MTA3: variants seen among roughly 807,000 people sequenced by gnomAD.
MTA3 encodes the protein metastasis-associated protein MTA3.
A neutral mutation model predicts 83.5 loss-of-function variants in MTA3; 34 were observed. That is an observed-to-expected ratio of 0.41 (90% CI 0.31 to 0.54). The LOEUF is 0.54. MTA3 is among the 20% of genes least tolerant of loss of function. The pLI, the probability that MTA3 is intolerant of heterozygous loss-of-function variation, is 0.33. For synonymous variants in MTA3, 303 were observed against 252.7 expected (o/e 1.20, Z -1.89); for missense variants, 761 against 726.4 (o/e 1.05, Z -0.55).
chr2:42,729,098 T>G lies in MTA3; in HGVS notation c.1759+6063T>G, dbSNP rs977633394. On this transcript the variant is annotated intron_variant, in intron 16 of 16. Coordinates refer to ENST00000405094, the MANE Select transcript of MTA3 (RefSeq NM_001330442.2). ...TTTCACAGTTTGAGTTTTTTTTTTT[T>G]TTTTTTTTTTTTTTTCACAGAGTCA... Among the ~76,000 whole-genome samples, 164 of 122,070 alleles carry G rather than the reference T, an allele frequency of 1.3e-3. 10 individuals carry two copies. In the East Asian group the frequency reaches 0.034, roughly 25 times the overall value. 80.1% of individuals were successfully genotyped at this position (122,070 alleles called of 152,430 possible).
intron 2 of MTA3, among the ~76,000 whole-genome samples, chr2:42,549,568 CAT>C (rs1299672339): frequency 9.1e-6 from 1 of 110,370 alleles, no homozygotes; most frequent in Non-Finnish European, 1.7e-5. Flanking sequence ...TATACATATA[CAT>C]ATATAATATA....
At chr2:42,667,582 G>GTGTGTGTT (rs1690360985) in intron 8 of MTA3, among the ~76,000 whole-genome samples, 3 of 128,902 alleles carry the variant, frequency 2.3e-5, no homozygotes, top group South Asian at 2.7e-4. Flanking sequence ...GTGTGTGTGT[G>GTGTGTGTT]TGTGTGTGTG....
chr2:42,686,726 C>G (rs1692400982), intron 9 of MTA3, among the ~76,000 whole-genome samples: 1 of 152,028 alleles, frequency 6.6e-6, no homozygotes, highest in Non-Finnish European at 1.5e-5. Context: ...ACTCGATAGA[C>G]TGAGGCAGGA....
intron 9 of MTA3, among the ~76,000 whole-genome samples, chr2:42,685,505 C>T (rs1376229380): frequency 6.6e-6 from 1 of 152,224 alleles, no homozygotes; most frequent in African/African-American, 2.4e-5. Flanking sequence ...GTGGCTCCAA[C>T]GTGCTGTCTC....
intron 8 of MTA3, among the ~76,000 whole-genome samples, chr2:42,675,438 A>G (rs946444616): frequency 6.6e-6 from 1 of 152,108 alleles, no homozygotes; most frequent in Non-Finnish European, 1.5e-5. Context: ...CCCAGCCTCA[A>G]AATTCTTTTT....
At chr2:42,621,485 ATTC>A (rs1397093129) in intron 4 of MTA3, among the ~76,000 whole-genome samples, 5 of 152,230 alleles carry the variant, frequency 3.3e-5, no homozygotes, top group East Asian at 3.8e-4. Flanking sequence ...AGGCAGAACA[ATTC>A]TTCTTAGTAC....
chr2:42,727,190 C>G (rs186539239), intron 16 of MTA3, among the ~76,000 whole-genome samples: 1 of 152,032 alleles, frequency 6.6e-6, no homozygotes, highest in Middle Eastern at 3.2e-3. Context: ...AGAGTGAGAT[C>G]CTGTCTCTTA....
At chr2:42,695,697 G>A in intron 9 of MTA3, 68 bp from the exon 10 acceptor site, 1 of 671,892 alleles carries the variant, frequency 1.5e-6, no homozygotes, top group South Asian at 2.0e-5. Flanking sequence ...ACTTTCTATA[G>A]TAGCTTATTT....
At chr2:42,724,840 T>A (rs1463054297) in intron 16 of MTA3, among the ~76,000 whole-genome samples, 3 of 152,238 alleles carry the variant, frequency 2.0e-5, no homozygotes, top group African/African-American at 4.8e-5. Flanking sequence ...GTTCCCTCTC[T>A]AGGGCTGTTT....
chr2:42,633,687 C>G (rs570141295), intron 4 of MTA3, among the ~76,000 whole-genome samples: 100 of 152,086 alleles, frequency 6.6e-4, no homozygotes, highest in African/African-American at 2.1e-3. Context: ...GTCAGGAGAT[C>G]GAGACCATCC....
intron 8 of MTA3, among the ~76,000 whole-genome samples, chr2:42,672,259 G>C (rs571940172): frequency 1.3e-5 from 2 of 151,950 alleles, no homozygotes; most frequent in Admixed American, 6.6e-5. Flanking sequence ...GTACATGGGA[G>C]GCTGAGGTGG....
chr2:42,635,667 A>G (rs528440105), intron 4 of MTA3, among the ~76,000 whole-genome samples: 1 of 152,262 alleles, frequency 6.6e-6, no homozygotes, highest in Non-Finnish European at 1.5e-5. Context: ...CAAATGTAAG[A>G]CTTGTAAAGT....
chr2:42,697,949 T>C, intron 11 of MTA3, 115 bp downstream of exon 11: 1 of 628,798 alleles, frequency 1.6e-6, no homozygotes, highest in Admixed American at 3.7e-5. Flanking sequence ...TTTCTTCTTC[T>C]ACAAAGCATG....
intron 2 of MTA3, among the ~76,000 whole-genome samples, chr2:42,562,122 C>G (rs550738772): frequency 1.3e-5 from 2 of 152,242 alleles, no homozygotes; most frequent in Non-Finnish European, 2.9e-5. Flanking sequence ...GGGCTGCCCC[C>G]TTTTCTCTGT....
At chr2:42,717,006 A>T (rs1160134579) in intron 14 of MTA3, among the ~76,000 whole-genome samples, 2 of 151,462 alleles carry the variant, frequency 1.3e-5, no homozygotes, top group East Asian at 3.9e-4. Flanking sequence ...TTATTTTTTG[A>T]CTTAATGATA....
At chr2:42,650,282 G>C in intron 6 of MTA3, among the ~76,000 whole-genome samples, 1 of 152,184 alleles carries the variant, frequency 6.6e-6, no homozygotes, top group Non-Finnish European at 1.5e-5. Context: ...AGTGGAGAGA[G>C]AGGCCAGGTA....
At chr2:42,655,804 T>C (rs1689116207) in intron 6 of MTA3, among the ~76,000 whole-genome samples, 1 of 152,208 alleles carries the variant, frequency 6.6e-6, no homozygotes, top group African/African-American at 2.4e-5. Flanking sequence ...GATTTCTCCA[T>C]ATTGACCAGG....
chr2:42,755,580 C>A lies in MTA3; in HGVS notation c.*2181C>A. ...GAGGGTGATGTTGACTGAGACTTCACGCTCTCCCTTTGTCTCTGGAAACTG... is the reference window on the plus strand; with the variant it reads ...GAGGGTGATGTTGACTGAGACTTCAAGCTCTCCCTTTGTCTCTGGAAACTG... On this transcript the variant is annotated 3_prime_UTR_variant, in exon 17 of 17. Coordinates refer to ENST00000405094, the MANE Select transcript of MTA3 (RefSeq NM_001330442.2). 1 of 985,538 alleles carries A rather than the reference C, an allele frequency of 1.0e-6. No homozygotes were observed. Among genetic ancestry groups the A allele is most frequent in the Non-Finnish European group, 1.2e-6 (1 of 829,990 alleles). The allele number at this position is 985,538 out of a possible 1,614,324, so 61.0% of individuals were successfully genotyped here.
At chr2:42,694,876 C>T (rs755894753) in intron 9 of MTA3, among the ~76,000 whole-genome samples, 10 of 152,144 alleles carry the variant, frequency 6.6e-5, no homozygotes, top group Non-Finnish European at 1.2e-4. Context: ...CACGGTGGCT[C>T]ATCTGTGATC....
Sources: allele counts gnomAD v4.1 joint callset (sites outside exome capture counted in the v4.1 genomes callset), GRCh38; gene constraint gnomAD v4.1.1; transcripts MANE v1.5; gene names NCBI Gene and HGNC (gene_info 2026-07-23, HGNC 2026-07-21).